PXDNL: variants seen among roughly 807,000 people sequenced by gnomAD.
The protein encoded by PXDNL is probable oxidoreductase PXDNL.
A neutral mutation model predicts 150.8 loss-of-function variants in PXDNL; 145 were observed. The observed-to-expected ratio is 0.96, with a 90% confidence interval of 0.84 to 1.10. The LOEUF (loss-of-function observed/expected upper bound fraction) is 1.10, where lower values mean the gene tolerates loss of function less well. PXDNL is among the 50% of genes least tolerant of loss of function. The pLI, the probability that PXDNL is intolerant of heterozygous loss-of-function variation, is 0.00. For synonymous variants in PXDNL, 757 were observed against 725.7 expected (o/e 1.04, Z -0.69); for missense variants, 2,087 against 1,873.9 (o/e 1.11, Z -2.10).
At chr8:51,338,341 T>C (rs187821458) in intron 21 of PXDNL, among the ~76,000 whole-genome samples, 20 of 152,278 alleles carry the variant, frequency 1.3e-4, no homozygotes, top group African/African-American at 4.3e-4. Flanking sequence ...CACCTGGTAA[T>C]CACACCGCTC....
At chr8:51,583,957 G>A (rs1199971925) in intron 3 of PXDNL, among the ~76,000 whole-genome samples, 1 of 152,178 alleles carries the variant, frequency 6.6e-6, no homozygotes, top group African/African-American at 2.4e-5. Flanking sequence ...GTCGCCCAAA[G>A]AGGACCTTCC....
At chr8:51,631,092 G>A (rs141148957) in intron 2 of PXDNL, among the ~76,000 whole-genome samples, 166 of 152,126 alleles carry the variant, frequency 1.1e-3, no homozygotes, top group Non-Finnish European at 1.9e-3. Flanking sequence ...ATGGAATACC[G>A]TGCAACCATT....
intron 3 of PXDNL, among the ~76,000 whole-genome samples, chr8:51,581,375 G>C (rs979276553): frequency 2.0e-5 from 3 of 152,034 alleles, no homozygotes; most frequent in African/African-American, 7.2e-5. Flanking sequence ...TGTAATCCCA[G>C]CTACTCAAGA....
chr8:51,344,392 C>T (rs911576618), intron 20 of PXDNL, among the ~76,000 whole-genome samples: 5 of 152,134 alleles, frequency 3.3e-5, no homozygotes, highest in African/African-American at 9.7e-5. Context: ...ATATTTGGGA[C>T]CAACTCATTT....
Position 51,600,792 on chromosome 8 carries a change from GATA to G in PXDNL, c.237-8097_237-8095del, listed in dbSNP as rs1267040888. 3.0e-5 allele frequency among the ~76,000 whole-genome samples: 4 copies of G among 133,232 alleles called. No individual in the cohort carries two copies. In the East Asian group the frequency reaches 8.3e-4, roughly 28 times the overall value. 87.4% of individuals were successfully genotyped at this position (133,232 alleles called of 152,430 possible). On this transcript the variant is annotated intron_variant, in intron 2 of 22. Coordinates refer to ENST00000356297, the MANE Select transcript of PXDNL (RefSeq NM_144651.5). ...CATCTTATATAAATTATATAGTTTT[GATA>G]ATAAATTATATCTTATATAAATTAT... is the stretch of plus-strand genomic sequence containing the variant.
At chr8:51,501,897 A>G (rs1156687588) in intron 4 of PXDNL, among the ~76,000 whole-genome samples, 1 of 152,218 alleles carries the variant, frequency 6.6e-6, no homozygotes, top group Non-Finnish European at 1.5e-5. Context: ...GCAGTGAAGA[A>G]AGAGTTAGAA....
At chr8:51,605,016 A>G (rs2130694683) in intron 2 of PXDNL, among the ~76,000 whole-genome samples, 1 of 152,360 alleles carries the variant, frequency 6.6e-6, no homozygotes, top group South Asian at 2.1e-4. Context: ...ATTCAGAAAT[A>G]CCAAGTTAAT....
chr8:51,516,144 T>C (rs1480915619), intron 4 of PXDNL, among the ~76,000 whole-genome samples: 1 of 152,234 alleles, frequency 6.6e-6, no homozygotes, highest in Non-Finnish European at 1.5e-5. Flanking sequence ...AATAAAATTA[T>C]GTAACTTTAA....
At chr8:51,767,079 A>G (rs539943929) in intron 1 of PXDNL, among the ~76,000 whole-genome samples, 6 of 152,104 alleles carry the variant, frequency 3.9e-5, no homozygotes, top group Non-Finnish European at 8.8e-5. Context: ...CTGTCCTTCT[A>G]TTCTTTAGAT....
chr8:51,758,903 G>T (rs1029991276), intron 1 of PXDNL, among the ~76,000 whole-genome samples: 1 of 152,186 alleles, frequency 6.6e-6, no homozygotes, highest in African/African-American at 2.4e-5. Flanking sequence ...TCCTCCCTGA[G>T]CAACAAAGCA....
rs1256130223 is a variant in PXDNL at position 51,333,964 on chromosome 8, A to G, written c.4146+5660T>C. Among the ~76,000 whole-genome samples the G allele has an allele frequency of 2.6e-5, 4 of 152,282 alleles. No individual in the cohort carries two copies. In the East Asian group the frequency reaches 5.8e-4, roughly 22 times the overall value. On this transcript the variant is annotated intron_variant, in intron 21 of 22. Transcript: ENST00000356297. ...GGATCTAAACTATGCCTTGTAACAAATGGACATAACAGATATATACAGAAC... is the reference window on the plus strand; with the variant it reads ...GGATCTAAACTATGCCTTGTAACAAGTGGACATAACAGATATATACAGAAC...
intron 1 of PXDNL, among the ~76,000 whole-genome samples, chr8:51,796,818 A>G (rs941515773): frequency 3.9e-5 from 6 of 152,206 alleles, no homozygotes; most frequent in African/African-American, 1.4e-4. Context: ...TACCTAACTC[A>G]TTTTATGAAG....
chr8:51,426,337 T>A (rs1809097554), intron 13 of PXDNL, among the ~76,000 whole-genome samples: 1 of 152,206 alleles, frequency 6.6e-6, no homozygotes, highest in African/African-American at 2.4e-5. Flanking sequence ...TATTAGCCAC[T>A]AAACTCTTAA....
intron 19 of PXDNL, among the ~76,000 whole-genome samples, chr8:51,366,402 A>G (rs1355701046): frequency 6.6e-6 from 1 of 152,070 alleles, no homozygotes; most frequent in East Asian, 1.9e-4. Context: ...CTGTCCATAA[A>G]TCTTCTTCCA....
intron 8 of PXDNL, among the ~76,000 whole-genome samples, chr8:51,470,025 A>G (rs1427138703): frequency 6.6e-6 from 1 of 152,086 alleles, no homozygotes; most frequent in Non-Finnish European, 1.5e-5. Context: ...AAGTTAAAAC[A>G]GGCAATGTGA....
chr8:51,693,472 A>G (rs1037821480), intron 1 of PXDNL, among the ~76,000 whole-genome samples: 2 of 152,226 alleles, frequency 1.3e-5, no homozygotes, highest in African/African-American at 4.8e-5. Context: ...AAACTGTTCA[A>G]TCTTTCAAAT....
chr8:51,718,784 A>G (rs911601661), intron 1 of PXDNL, among the ~76,000 whole-genome samples: 6 of 152,154 alleles, frequency 3.9e-5, no homozygotes, highest in Non-Finnish European at 7.4e-5. Flanking sequence ...TCTGTGGTGT[A>G]TTAGGGTACA....
intron 3 of PXDNL, among the ~76,000 whole-genome samples, chr8:51,584,723 A>C (rs996595459): frequency 6.6e-6 from 1 of 152,192 alleles, no homozygotes; most frequent in Admixed American, 6.5e-5. Context: ...GGTGATTGTC[A>C]TGAAGGCTGA....
chr8:51,680,695 G>A (rs543762846), intron 1 of PXDNL, among the ~76,000 whole-genome samples: 25 of 152,258 alleles, frequency 1.6e-4, no homozygotes, highest in African/African-American at 5.3e-4. Flanking sequence ...CCCTGCAGCC[G>A]GGTGGCCAGA....
Sources: allele counts gnomAD v4.1 joint callset (sites outside exome capture counted in the v4.1 genomes callset), GRCh38; gene constraint gnomAD v4.1.1; transcripts MANE v1.5; gene names NCBI Gene and HGNC (gene_info 2026-07-23, HGNC 2026-07-21).